The following NIN variants were observed in gnomAD, a reference collection of about 807,000 sequenced individuals.
NIN encodes the protein glycogen synthase kinase 3 beta-interacting protein.
NIN carries 137 observed loss-of-function variants against 257.6 expected under a neutral mutation model. The observed-to-expected ratio is 0.53, with a 90% CI of 0.46 to 0.61. The LOEUF (loss-of-function observed/expected upper bound fraction) is 0.61. Ranked by LOEUF, NIN falls within the 20% of genes least tolerant of loss-of-function variation. The pLI is 0.00. For missense variants in NIN, 2,439 were observed against 2,501.2 expected, an observed-to-expected ratio of 0.98 and a Z score of 0.53; for synonymous variants, 918 against 919.8, an observed-to-expected ratio of 1.00 and a Z score of 0.04.
In NIN at chr14:50,739,519, A is replaced by C. The variant is rs751925701; in HGVS notation, c.5449-32T>G. On this transcript the variant is annotated intron_variant, in intron 25 of 30. Coordinates refer to ENST00000530997, the MANE Select transcript of NIN (RefSeq NM_020921.4). ...AGAATTGCAGAGTGTAAGCCTTAAA[A>C]ACAAGCTATTGGGTAATTGCTGTTT... The C allele has an allele frequency of 5.6e-6, 9 of 1,603,424 alleles. No individual in the cohort carries two copies. The Admixed American group carries it at 1.5e-4, about 27-fold the overall frequency.
chr14:50,790,183 T>C (rs1162118089), intron 5 of NIN, among the ~76,000 whole-genome samples: 1 of 152,172 alleles, frequency 6.6e-6, no homozygotes, highest in Non-Finnish European at 1.5e-5. Flanking sequence ...GCCTCCCCAG[T>C]AGCTGGGACC....
At position 50,830,513 on chromosome 14, in the gene NIN, G is replaced by T; in HGVS notation, c.-71C>A. ...CCGCACAGCCGGCAGCCCGCCTCCA[G>T]CGCTCTGCAAAGCGAAGGAGGACGC... On this transcript the variant is annotated 5_prime_UTR_variant, in exon 2 of 31. It adds an upstream start codon to the 5' untranslated region. Coordinates refer to ENST00000530997, the MANE Select transcript of NIN (RefSeq NM_020921.4). 6.0e-6 allele frequency: 1 copy of T among 167,674 alleles called. No individual in the cohort carries two copies. The allele number at this position is 167,674 out of a possible 1,614,324, so 10.4% of individuals were successfully genotyped here. A position where few individuals can be genotyped will look rare whatever the true frequency, so the allele number is the denominator to read the frequency against.
rs2042045263 is a variant in NIN, at chr14:50,756,765, CT to C, written c.4264del (p.Arg1422GlyfsTer17). ...LHGTIQTHQERPRVQNQVILE... is the reference protein window; with the variant it reads ...LHGTIQTHQEXPRVQNQVILE... ...TATAACTTGATTCTGTACTCTTGGC[CT>C]TTCTTGATGTGTCTGAATTGTTCCA... On this transcript the variant is annotated frameshift_variant, in exon 18 of 31. Coordinates refer to ENST00000530997, the MANE Select transcript of NIN (RefSeq NM_020921.4). LOFTEE classifies it high-confidence loss of function. The C allele has an allele frequency of 3.2e-6, 5 of 1,551,550 alleles. No homozygotes were observed. In the East Asian group the frequency reaches 1.2e-4, roughly 38 times the overall value.
intron 3 of NIN, among the ~76,000 whole-genome samples, chr14:50,814,940 A>G (rs2044814804): frequency 6.6e-6 from 1 of 152,262 alleles, no homozygotes; most frequent in Admixed American, 6.5e-5. Context: ...TAAAAACCCT[A>G]GAAGAAAATC....
At position 50,729,939 on chromosome 14, in the gene NIN, T is replaced by C. The variant is rs17122800; in HGVS notation, c.5878-216A>G. Among the ~76,000 whole-genome samples, 38,005 of 152,142 alleles carry C rather than the reference T, an allele frequency of 0.25. 5,088 individuals carry two copies. Among genetic ancestry groups the C allele is most frequent in the Middle Eastern group, 0.34 (100 of 294 alleles). ...AATATGCTTAATAAGTAGGCTTTCT[T>C]AAAAGTTTTAGGCTTAAAAAGCCCT... On this transcript the variant is annotated intron_variant, in intron 28 of 30. Coordinates refer to ENST00000530997, the MANE Select transcript of NIN (RefSeq NM_020921.4).
At chr14:50,740,757 C>T (rs540455905) in intron 25 of NIN, among the ~76,000 whole-genome samples, 12 of 152,324 alleles carry the variant, frequency 7.9e-5, no homozygotes, top group African/African-American at 2.9e-4. Context: ...GCTGGGATTA[C>T]AGGCATGAGC....
Position 50,747,947 on chromosome 14 carries a change from G to A in NIN, c.5064+45C>T, listed in dbSNP as rs2041623839. ...TACCAGCCCAACAGGAGCCCACCAG[G>A]TACATATTGTTCTGTGAACCCCCCT... is the stretch of plus-strand genomic sequence containing the variant. On this transcript the variant is annotated intron_variant, in intron 22 of 30. Transcript: ENST00000530997. 4 of 1,261,812 alleles carry A rather than the reference G, an allele frequency of 3.2e-6. No homozygotes were observed. The African/African-American group carries it at 4.4e-5, about 14-fold the overall frequency. The allele number at this position is 1,261,812 out of a possible 1,614,324, so 78.2% of individuals were successfully genotyped here. A position where few individuals can be genotyped will look rare whatever the true frequency, so the allele number is the denominator to read the frequency against.
In NIN at chr14:50,791,771, T is replaced by C. The variant is rs1462147373; in HGVS notation, c.435+941A>G. Among the ~76,000 whole-genome samples the C allele has an allele frequency of 2.0e-5, 3 of 150,412 alleles. No homozygotes were observed. The East Asian group carries it at 5.9e-4, about 29-fold the overall frequency. Reference sequence around the variant, plus strand: ...CCTGTAGATTTCAGTAAGCTGAACATGGATGTTAGACCACAATGAACACAC... The same window carrying C: ...CCTGTAGATTTCAGTAAGCTGAACACGGATGTTAGACCACAATGAACACAC... On this transcript the variant is annotated intron_variant, in intron 5 of 30. Coordinates refer to ENST00000530997, the MANE Select transcript of NIN (RefSeq NM_020921.4).
At chr14:50,765,063 TAAAAA>T (rs781699626) in intron 14 of NIN, among the ~76,000 whole-genome samples, 4 of 82,080 alleles carry the variant, frequency 4.9e-5, no homozygotes, top group African/African-American at 1.4e-4. Flanking sequence ...TGTCTCTACT[TAAAAA>T]AAAAAAAAAA....
Position 50,830,516 on chromosome 14 carries a change from C to T in NIN, c.-74G>A. The T allele has an allele frequency of 6.0e-6, 1 of 167,692 alleles. No individual in the cohort carries two copies. Among genetic ancestry groups the T allele is most frequent in the Middle Eastern group, 1.1e-3 (1 of 882 alleles). The allele number at this position is 167,692 out of a possible 1,614,324, so 10.4% of individuals were successfully genotyped here. A position where few individuals can be genotyped will look rare whatever the true frequency, so the allele number is the denominator to read the frequency against. On this transcript the variant is annotated splice_region_variant and 5_prime_UTR_variant, in exon 2 of 31. Transcript: ENST00000530997. ...CACAGCCGGCAGCCCGCCTCCAGCG[C>T]TCTGCAAAGCGAAGGAGGACGCTTT...
chr14:50,753,984 C>A (rs189302629), intron 20 of NIN, among the ~76,000 whole-genome samples: 23 of 152,162 alleles, frequency 1.5e-4, no homozygotes, highest in Middle Eastern at 6.8e-3. Context: ...GATGTTAACA[C>A]CTTGTCTATT....
At chr14:50,732,560 G>T (rs1742677353) in intron 28 of NIN, among the ~76,000 whole-genome samples, 1 of 152,192 alleles carries the variant, frequency 6.6e-6, no homozygotes. Flanking sequence ...GAATGCCACT[G>T]AATTGTACAT....
At chr14:50,746,947 G>T (rs909510865) in intron 22 of NIN, among the ~76,000 whole-genome samples, 5 of 152,148 alleles carry the variant, frequency 3.3e-5, no homozygotes, top group Non-Finnish European at 7.4e-5. Flanking sequence ...CTGGAGGCTT[G>T]ACTTCCCGAG....
chr14:50,778,758 C>T lies in NIN; in HGVS notation c.475+7G>A. ...TCCAGGCACGTCCTGACACACTCGGCTCTTACCTTCCGCTTCATACTCCTC... is the reference window on the plus strand; with the variant it reads ...TCCAGGCACGTCCTGACACACTCGGTTCTTACCTTCCGCTTCATACTCCTC... On this transcript the variant is annotated splice_region_variant and intron_variant, in intron 6 of 30. Transcript: ENST00000530997. 1 of 1,614,028 alleles carries T rather than the reference C, an allele frequency of 6.2e-7. No homozygotes were observed. The highest frequency in any genetic ancestry group is 8.5e-7 in the Non-Finnish European group (1 of 1,179,978).
At chr14:50,761,333 A>T (rs1861029810) in intron 16 of NIN, among the ~76,000 whole-genome samples, 1 of 152,202 alleles carries the variant, frequency 6.6e-6, no homozygotes, top group Non-Finnish European at 1.5e-5. Context: ...AAGAGGACAG[A>T]GTGTGATGGA....
intron 18 of NIN, among the ~76,000 whole-genome samples, chr14:50,755,465 GTTTT>G (rs548705356): frequency 1.4e-5 from 2 of 141,612 alleles, no homozygotes; most frequent in African/African-American, 5.2e-5. Flanking sequence ...TAGTTTACAA[GTTTT>G]TTTTTTTTTT....
rs544311414 is a variant in NIN at position 50,739,914 on chromosome 14, A to G, written c.5449-427T>C. On this transcript the variant is annotated intron_variant, in intron 25 of 30. Transcript: ENST00000530997. ...AGGCTGAAATGCACTGCCAACTCAA[A>G]AGCTTTCATAGGCTAAACTCTACTT... 2.5e-4 allele frequency among the ~76,000 whole-genome samples: 38 copies of G among 152,350 alleles called. No homozygotes were observed. The South Asian group carries it at 7.7e-3, about 31-fold the overall frequency.
chr14:50,728,483 ATAG>A (rs2040524677), intron 29 of NIN, among the ~76,000 whole-genome samples: 1 of 152,232 alleles, frequency 6.6e-6, no homozygotes, highest in South Asian at 2.1e-4. Flanking sequence ...ACATAGATGG[ATAG>A]TAGAAGAAAC....
chr14:50,767,014 A>G, intron 12 of NIN, 124 bp from the exon 13 acceptor site: 1 of 658,962 alleles, frequency 1.5e-6, no homozygotes, highest in Admixed American at 2.7e-5. Flanking sequence ...TAAAAGCTGT[A>G]GTAGACTACA....
Sources: gnomAD v4.1 joint callset for allele counts (sites outside exome capture counted in the v4.1 genomes callset) on GRCh38, gnomAD v4.1.1 for gene constraint, MANE v1.5 for transcripts, NCBI Gene and HGNC (gene_info 2026-07-23, HGNC 2026-07-21) for gene names.